The following LEO1 variants were observed in gnomAD, a reference collection of about 807,000 sequenced individuals.
The protein encoded by LEO1 is RNA polymerase-associated protein LEO1.
Under a neutral mutation model 80.4 loss-of-function variants are expected in LEO1, and 34 were observed. The ratio of observed to expected loss-of-function variants is 0.42; its 90% CI spans 0.32 to 0.56. LEO1 has a LOEUF of 0.56. Ranked by LOEUF, LEO1 falls within the 20% of genes least tolerant of loss-of-function variation. The pLI is 0.10. For missense variants in LEO1, 631 were observed against 814.2 expected (o/e 0.77, Z 2.74); for synonymous variants, 262 against 274.9 (o/e 0.95, Z 0.46).
chr15:51,946,884 A>C (rs568934312), intron 11 of LEO1: 1 of 163,732 alleles, frequency 6.1e-6, no homozygotes, highest in Admixed American at 6.5e-5. Flanking sequence ...AATACTGAGA[A>C]GTTTTACAAA....
At chr15:51,943,187 G>A (rs1324688580) in intron 11 of LEO1, among the ~76,000 whole-genome samples, 2 of 151,850 alleles carry the variant, frequency 1.3e-5, no homozygotes, top group Non-Finnish European at 2.9e-5. Context: ...AGACCAGCCT[G>A]GCCAACATAG....
At chr15:51,953,033 G>A (rs541191646) in intron 8 of LEO1, 96 bp downstream of exon 8, 58 of 970,186 alleles carry the variant, frequency 6.0e-5, no homozygotes, top group Admixed American at 3.5e-4. Context: ...GAATCATACC[G>A]TGGGGTTACA....
intron 11 of LEO1, among the ~76,000 whole-genome samples, chr15:51,946,444 C>T (rs930076747): frequency 1.3e-5 from 2 of 152,212 alleles, no homozygotes. Context: ...GATCCGCTTG[C>T]CTCGGCCTCC....
At chr15:51,944,748 T>C (rs2056884901) in intron 11 of LEO1, among the ~76,000 whole-genome samples, 1 of 145,454 alleles carries the variant, frequency 6.9e-6, no homozygotes, top group South Asian at 2.4e-4. Context: ...ATAATATAAA[T>C]ATATACTTTT....
Position 51,966,187 on chromosome 15 carries a change from C to A in LEO1, c.376G>T (p.Gly126Trp). 6.2e-7 allele frequency: 1 copy of A among 1,613,968 alleles called. No homozygotes were observed. Among genetic ancestry groups the A allele is most frequent in the South Asian group, 1.1e-5 (1 of 91,072 alleles). The change falls in exon 2 of 12, where the codon GGG becomes TGG. Residue 126 changes from glycine to tryptophan, a missense_variant. Coordinates refer to ENST00000299601, the MANE Select transcript of LEO1 (RefSeq NM_138792.4). ...CCTTCTGCTTCTGAATGATGGCTCC[C>A]TCCATCCGATCTATGACCTTCGTCT... Reference protein sequence around the residue: ...DEDEGHRSDGGSHHSEAEGSE... With the variant: ...DEDEGHRSDGWSHHSEAEGSE...
rs1242175775 is a variant in LEO1, at chr15:51,938,343, A to C, written c.1897-83T>G. Reference sequence around the variant, plus strand: ...TTTATGAAAAGTAGCTATGAGCTGAATGACCCTCTGACAACTCAAAGTAAC... The same window carrying C: ...TTTATGAAAAGTAGCTATGAGCTGACTGACCCTCTGACAACTCAAAGTAAC... On this transcript the variant is annotated intron_variant, in intron 11 of 11. Transcript: ENST00000299601. The C allele has an allele frequency of 2.1e-5, 16 of 778,036 alleles. 1 individual carries two copies. Among genetic ancestry groups the C allele is most frequent in the Middle Eastern group, 2.3e-4 (1 of 4,352 alleles). 48.2% of individuals were successfully genotyped at this position (778,036 alleles called of 1,614,324 possible). A position where few individuals can be genotyped will look rare whatever the true frequency, so the allele number is the denominator to read the frequency against.
At chr15:51,946,236 C>T (rs2056899827) in intron 11 of LEO1, among the ~76,000 whole-genome samples, 1 of 152,140 alleles carries the variant, frequency 6.6e-6, no homozygotes, top group Non-Finnish European at 1.5e-5. Context: ...GTTGCCCAGG[C>T]TGGAGCACAA....
At chr15:51,965,272 A>C (rs538386773) in intron 2 of LEO1, among the ~76,000 whole-genome samples, 87 of 152,292 alleles carry the variant, frequency 5.7e-4, no homozygotes, top group Middle Eastern at 6.8e-3. Flanking sequence ...TTAGAGCTTG[A>C]CCATCTCTGG....
intron 9 of LEO1, among the ~76,000 whole-genome samples, chr15:51,950,587 G>A (rs746018265): frequency 2.6e-5 from 4 of 152,190 alleles, no homozygotes; most frequent in Admixed American, 1.3e-4. Context: ...CCAGGTTGGG[G>A]GTAGGGGTGG....
At position 51,966,134 on chromosome 15, in the gene LEO1, T is replaced by C. The variant is rs140972492; in HGVS notation, c.429A>G (p.Glu143=). 2 of 1,613,986 alleles carry C rather than the reference T, an allele frequency of 1.2e-6. No homozygotes were observed. Among genetic ancestry groups the C allele is most frequent in the African/African-American group, 1.3e-5 (1 of 74,950 alleles). Residue 143 remains glutamate, a synonymous_variant, in exon 2 of 12, where the codon GAA becomes GAG. Coordinates refer to ENST00000299601, the MANE Select transcript of LEO1 (RefSeq NM_138792.4). ...EGSEKAHSDD[E]KWGREDKSDQ... ...CACTTTTATCTTCTCTGCCCCATTTTTCATCATCTGAATGTGCTTTTTCAG... is the reference window on the plus strand; with the variant it reads ...CACTTTTATCTTCTCTGCCCCATTTCTCATCATCTGAATGTGCTTTTTCAG...
At chr15:51,960,590 G>C (rs371295136) in intron 4 of LEO1, 49 bp downstream of exon 4, 42 of 1,046,630 alleles carry the variant, frequency 4.0e-5, no homozygotes, top group Non-Finnish European at 5.6e-5. Context: ...CTTCACCTTT[G>C]AAACTTTATG....
chr15:51,955,191 GC>G (rs1409150354), intron 6 of LEO1: 1 of 152,286 alleles, frequency 6.6e-6, no homozygotes, highest in Non-Finnish European at 1.5e-5. Flanking sequence ...GCCCGCCTGG[GC>G]CTCCCAAAGT....
intron 1 of LEO1, among the ~76,000 whole-genome samples, chr15:51,967,071 T>C (rs929833611): frequency 1.3e-5 from 2 of 152,026 alleles, no homozygotes; most frequent in Non-Finnish European, 2.9e-5. Context: ...GAAAAAAGAA[T>C]AAAGAGAAAG....
At chr15:51,954,275 C>G (rs1197887981) in intron 7 of LEO1, among the ~76,000 whole-genome samples, 1 of 150,640 alleles carries the variant, frequency 6.6e-6, no homozygotes, top group African/African-American at 2.4e-5. Flanking sequence ...GTAGTCCCAG[C>G]TACTTGGGAG....
chr15:51,971,565 G>A (rs2057123349), intron 1 of LEO1, 123 bp downstream of exon 1: 5 of 920,362 alleles, frequency 5.4e-6, no homozygotes, highest in Non-Finnish European at 8.8e-6. Context: ...AGTGCAGGGG[G>A]CGCTGAGGCA....
At chr15:51,955,979 A>G (rs2056985888) in intron 6 of LEO1, among the ~76,000 whole-genome samples, 1 of 152,228 alleles carries the variant, frequency 6.6e-6, no homozygotes, top group South Asian at 2.1e-4. Flanking sequence ...TAACTCGACA[A>G]CTGTTGAAGT....
chr15:51,962,877 C>T (rs1028933143), intron 2 of LEO1, among the ~76,000 whole-genome samples: 2 of 150,698 alleles, frequency 1.3e-5, no homozygotes, highest in African/African-American at 4.9e-5. Flanking sequence ...GGTGGTTAGA[C>T]AAATCTATAG....
At chr15:51,938,573 CAA>C (rs1235004843) in intron 11 of LEO1, among the ~76,000 whole-genome samples, 2 of 152,196 alleles carry the variant, frequency 1.3e-5, no homozygotes, top group Non-Finnish European at 2.9e-5. Context: ...GGTAATTTCT[CAA>C]ATTTTTTTTC....
intron 8 of LEO1, chr15:51,952,395 G>A (rs2056956555): frequency 6.6e-6 from 1 of 151,732 alleles, no homozygotes; most frequent in African/African-American, 2.4e-5. Flanking sequence ...GCAAAAAGAG[G>A]TTAAGAAAGT....
Sources: allele counts gnomAD v4.1 joint callset (sites outside exome capture counted in the v4.1 genomes callset), GRCh38; gene constraint gnomAD v4.1.1; transcripts MANE v1.5; gene names NCBI Gene and HGNC (gene_info 2026-07-23, HGNC 2026-07-21).